Variants in MPDZ observed in about 807,000 individuals in gnomAD.
MPDZ encodes the protein multiple PDZ domain protein.
MPDZ carries 234 observed loss-of-function variants against 239.1 expected under a neutral mutation model. That is an observed-to-expected ratio of 0.98 (90% confidence interval 0.88 to 1.09). The LOEUF (loss-of-function observed/expected upper bound fraction) is 1.09. MPDZ is among the 50% of genes least tolerant of loss of function. The pLI is 0.00. For synonymous variants in MPDZ, 1,048 were observed against 881.3 expected, an observed-to-expected ratio of 1.19 and a Z score of -3.35; for missense variants, 3,175 against 2,510.0, an observed-to-expected ratio of 1.26 and a Z score of -5.66.
At chr9:13,139,923 T>C in intron 28 of MPDZ, 64 bp downstream of exon 28, 1 of 1,595,892 alleles carries the variant, frequency 6.3e-7, no homozygotes, top group Non-Finnish European at 8.6e-7. Context: ...GGCGAAATCC[T>C]TGAGAAACTC....
rs556997511 is a variant in MPDZ at position 13,189,072 on chromosome 9, C to G, written c.2155-79G>C. ...ACAGGTCGTCCACTCTAAATCGTAA[C>G]GAATGAGTAATTGTCTCAAGTGCCT... On this transcript the variant is annotated intron_variant, in intron 16 of 46. Coordinates refer to ENST00000319217, the MANE Select transcript of MPDZ (RefSeq NM_001378778.1). 10 of 1,216,110 alleles carry G rather than the reference C, an allele frequency of 8.2e-6. No individual in the cohort carries two copies. In the East Asian group the frequency reaches 1.2e-4, roughly 15 times the overall value. 75.3% of individuals were successfully genotyped at this position (1,216,110 alleles called of 1,614,324 possible).
intron 3 of MPDZ, among the ~76,000 whole-genome samples, chr9:13,227,650 T>C (rs1057482497): frequency 6.6e-6 from 1 of 152,142 alleles, no homozygotes. Flanking sequence ...AGAGTAGGTA[T>C]ACAGGCATTC....
chr9:13,159,734 A>G (rs924362552), intron 23 of MPDZ, among the ~76,000 whole-genome samples: 3 of 152,116 alleles, frequency 2.0e-5, no homozygotes, highest in Non-Finnish European at 4.4e-5. Flanking sequence ...AAGAAGATAA[A>G]TATCCTGAAT....
At chr9:13,231,073 T>C (rs1386797210) in intron 3 of MPDZ, among the ~76,000 whole-genome samples, 1 of 152,052 alleles carries the variant, frequency 6.6e-6, no homozygotes. Context: ...AAAAAGTTGA[T>C]CTTTGAGACA....
intron 12 of MPDZ, among the ~76,000 whole-genome samples, chr9:13,197,912 A>C (rs1118320): frequency 1 from 151,644 of 152,194 alleles, 75,550 homozygotes; most frequent in Middle Eastern, 1. Context: ...CCATGTTGTT[A>C]CAAAAGACAA....
At chr9:13,265,181 C>T (rs565580177) in intron 1 of MPDZ, among the ~76,000 whole-genome samples, 3 of 152,312 alleles carry the variant, frequency 2.0e-5, no homozygotes, top group Non-Finnish European at 4.4e-5. Flanking sequence ...CCTACACTGG[C>T]AACAAATTCT....
At chr9:13,268,592 A>T (rs1189239095) in intron 1 of MPDZ, among the ~76,000 whole-genome samples, 1 of 152,198 alleles carries the variant, frequency 6.6e-6, no homozygotes, top group East Asian at 1.9e-4. Context: ...GAGGAATTCA[A>T]TACTGCCAAC....
In MPDZ at chr9:13,136,153, A is replaced by G. The variant is rs762328570; in HGVS notation, c.4322T>C (p.Val1441Ala). 5 of 1,612,908 alleles carry G rather than the reference A, an allele frequency of 3.1e-6. No homozygotes were observed. Among genetic ancestry groups the G allele is most frequent in the East Asian group, 2.2e-5 (1 of 44,778 alleles). Reference protein sequence around the residue: ...RNKDAVNQMAVCPGNAVEPLP... With the variant: ...RNKDAVNQMAACPGNAVEPLP... ...AGGTTCTACTGCATTTCCAGGACAT[A>G]CGGCCATCTGATTCACTGCATCTTT... The change falls in exon 31 of 47, where the codon GTA (valine) becomes GCA (alanine). Residue 1441 changes from valine to alanine, a missense_variant. Coordinates refer to ENST00000319217, the MANE Select transcript of MPDZ (RefSeq NM_001378778.1).
chr9:13,130,273 A>T (rs898362030), intron 32 of MPDZ, among the ~76,000 whole-genome samples: 1 of 152,256 alleles, frequency 6.6e-6, no homozygotes, highest in Non-Finnish European at 1.5e-5. Flanking sequence ...GATTAAAAAA[A>T]GATAATTCAC....
intron 24 of MPDZ, among the ~76,000 whole-genome samples, chr9:13,156,652 G>C (rs970654669): frequency 6.6e-6 from 1 of 152,062 alleles, no homozygotes; most frequent in African/African-American, 2.4e-5. Flanking sequence ...ATGAGATTTG[G>C]GTGGGGACAC....
chr9:13,231,947 T>C (rs1372428678), intron 3 of MPDZ, among the ~76,000 whole-genome samples: 1 of 152,146 alleles, frequency 6.6e-6, no homozygotes, highest in East Asian at 1.9e-4. Flanking sequence ...GAAAATCGTT[T>C]AGTCTAATTC....
chr9:13,112,116 C>T lies in MPDZ; in HGVS notation c.5632G>A (p.Ala1878Thr), dbSNP rs763671820. ...GPTDSLGISI[A>T]GGVGSPLGDV... is the part of the protein sequence containing the mutation. ...CCAAGTGGGCTGCCTACTCCTCCAG[C>T]GATGCTGATTCCCAGTGAGTCAGTA... Residue 1878 changes from alanine (A) to threonine (T), a missense_variant, in exon 43 of 47, where the codon GCT (alanine) becomes ACT (threonine). Ala to Thr is a moderately conservative substitution (Grantham distance 58). Transcript: ENST00000319217. 8 of 1,613,144 alleles carry T rather than the reference C, an allele frequency of 5.0e-6. No homozygotes were observed. In the East Asian group the frequency reaches 6.7e-5, roughly 13 times the overall value.
At chr9:13,114,920 T>A (rs1029647973) in intron 40 of MPDZ, among the ~76,000 whole-genome samples, 26 of 151,602 alleles carry the variant, frequency 1.7e-4, no homozygotes, top group Non-Finnish European at 8.8e-5. Flanking sequence ...AATAAATAAA[T>A]AAAATAAATA....
At chr9:13,250,266 C>A in intron 2 of MPDZ, 34 bp downstream of exon 2, 4 of 1,582,664 alleles carry the variant, frequency 2.5e-6, no homozygotes, top group Non-Finnish European at 3.4e-6. Flanking sequence ...AGTTACAATT[C>A]TTATAAAAGT....
At position 13,106,827 on chromosome 9, in the gene MPDZ, A is replaced by C; in HGVS notation, c.*138T>G. The C allele has an allele frequency of 6.6e-6, 6 of 914,746 alleles. No individual in the cohort carries two copies. Among genetic ancestry groups the C allele is most frequent in the Non-Finnish European group, 9.6e-6 (6 of 625,732 alleles). The allele number at this position is 914,746 out of a possible 1,614,324, so 56.7% of individuals were successfully genotyped here. On this transcript the variant is annotated 3_prime_UTR_variant, in exon 47 of 47. Coordinates refer to ENST00000319217, the MANE Select transcript of MPDZ (RefSeq NM_001378778.1). ...AAGGAAAGCATTTCTAGATGAGAAA[A>C]AGAAACTTAAGTGTTATTTCCCCCC... is the stretch of plus-strand genomic sequence containing the variant.
rs182282854 is a variant in MPDZ at position 13,180,302 on chromosome 9, G to A, written c.2649+3116C>T. On this transcript the variant is annotated intron_variant, in intron 19 of 46. Transcript: ENST00000319217. ...CGTTAGTTGAGTTGACGTACAAGGT[G>A]CAAAAGGGTTCCTATCTTGATAAAC... 3.4e-4 allele frequency among the ~76,000 whole-genome samples: 52 copies of A among 152,250 alleles called. 1 individual carries two copies. The highest frequency in any genetic ancestry group is 3.4e-3 in the Middle Eastern group (1 of 294).
At position 13,206,103 on chromosome 9, in the gene MPDZ, TGA is replaced by T; in HGVS notation, c.1291-6_1291-5del. 6.4e-7 allele frequency: 1 copy of T among 1,550,824 alleles called. No individual in the cohort carries two copies. The highest frequency in any genetic ancestry group is 8.6e-7 in the Non-Finnish European group (1 of 1,157,312). On this transcript the variant is annotated splice_polypyrimidine_tract_variant and splice_region_variant and intron_variant, in intron 10 of 46. Transcript: ENST00000319217. ...CCTGAAGGTTTGTGCCATCTACCTG[TGA>T]TTAAAAAAAAAAAAAAGCATGTTAC...
Position 13,248,976 on chromosome 9 carries a change from C to CAAAAAA in MPDZ, c.17-1181_17-1176dup, listed in dbSNP as rs71331534. On this transcript the variant is annotated intron_variant, in intron 2 of 46. Coordinates refer to ENST00000319217, the MANE Select transcript of MPDZ (RefSeq NM_001378778.1). Reference sequence around the variant, plus strand: ...CGACAGAGTGAGTGAGACTCCATCTCAAAAAAAAAAAAAAAAAAAAAAAAA... The same window carrying CAAAAAA: ...CGACAGAGTGAGTGAGACTCCATCTCAAAAAAAAAAAAAAAAAAAAAAAAAAAAAAA... Among the ~76,000 whole-genome samples the CAAAAAA allele has an allele frequency of 2.9e-3, 103 of 35,820 alleles. 15 individuals carry two copies. Among genetic ancestry groups the CAAAAAA allele is most frequent in the South Asian group, 4.7e-3 (2 of 422 alleles). The allele number at this position is 35,820 out of a possible 152,430, so 23.5% of individuals were successfully genotyped here.
chr9:13,137,204 T>A (rs921431848), intron 29 of MPDZ, among the ~76,000 whole-genome samples: 1 of 151,982 alleles, frequency 6.6e-6, no homozygotes, highest in African/African-American at 2.4e-5. Context: ...TCCCACTTAG[T>A]CTCAAAACTC....
Sources: gnomAD v4.1 joint callset for allele counts (sites outside exome capture counted in the v4.1 genomes callset) on GRCh38, gnomAD v4.1.1 for gene constraint, MANE v1.5 for transcripts, NCBI Gene and HGNC (gene_info 2026-07-23, HGNC 2026-07-21) for gene names.